Variants in TNRC18 observed in about 807,000 individuals in gnomAD.
TNRC18 encodes trinucleotide repeat-containing gene 18 protein.
A neutral mutation model predicts 226.7 loss-of-function variants in TNRC18; 69 were observed. That is an observed-to-expected ratio of 0.30 (90% CI 0.25 to 0.37). The LOEUF (loss-of-function observed/expected upper bound fraction) is 0.37. TNRC18 is among the 10% of genes least tolerant of loss of function. TNRC18 has a pLI of 1.00. For missense variants in TNRC18, 4,754 were observed against 4,256.6 expected, an observed-to-expected ratio of 1.12 and a Z score of -3.25; for synonymous variants, 2,449 against 1,927.6, an observed-to-expected ratio of 1.27 and a Z score of -7.09.
chr7:5,357,349 T>C (rs1792550205), intron 15 of TNRC18, 73 bp from the exon 16 acceptor site: 1 of 1,470,022 alleles, frequency 6.8e-7, no homozygotes, highest in Non-Finnish European at 9.1e-7. Flanking sequence ...GCACATGCTC[T>C]GCCCAGCCTG....
At chr7:5,402,596 G>T (rs1781183103) in intron 2 of TNRC18, among the ~76,000 whole-genome samples, 1 of 151,992 alleles carries the variant, frequency 6.6e-6, no homozygotes. Context: ...GCTCACGCCT[G>T]TAATCCCAGC....
rs544089229 is a variant in TNRC18, at chr7:5,309,456, G to A, written c.8389-88C>T. The A allele has an allele frequency of 4.8e-5, 58 of 1,209,616 alleles. No individual in the cohort carries two copies. The Admixed American group carries it at 9.6e-4, about 20-fold the overall frequency. 74.9% of individuals were successfully genotyped at this position (1,209,616 alleles called of 1,614,324 possible). On this transcript the variant is annotated intron_variant, in intron 27 of 29. Transcript: ENST00000430969. The surrounding 1 kb of genome is among the most constrained non-coding windows in gnomAD (Gnocchi z 5.7). ...CAGGCTCTGCCGCTTGGGACTCTGG[G>A]CCCTCGGCCTCTAAATCAACCCCTA... is the stretch of plus-strand genomic sequence containing the variant.
chr7:5,341,542 T>C (rs1331435545), intron 18 of TNRC18, among the ~76,000 whole-genome samples: 1 of 151,354 alleles, frequency 6.6e-6, no homozygotes, highest in Non-Finnish European at 1.5e-5. Context: ...GGCAGGAGGA[T>C]CATTTGAGGT....
chr7:5,380,859 G>A (rs1045993595), intron 5 of TNRC18, among the ~76,000 whole-genome samples: 2 of 152,160 alleles, frequency 1.3e-5, no homozygotes, highest in African/African-American at 2.4e-5. Flanking sequence ...GGAGACAGCC[G>A]TCCCAGCTTA....
In TNRC18 at chr7:5,325,529, T is replaced by C. The variant is rs1419707016; in HGVS notation, c.6148-281A>G. On this transcript the variant is annotated intron_variant, in intron 19 of 29. Transcript: ENST00000430969. ...AGCTCTGCCTCCCGGGTTCACGCCA[T>C]TCTCCTGCCTCAGCCTCCCGAGTAG... The C allele has an allele frequency of 1.4e-5, 5 of 350,546 alleles. No individual in the cohort carries two copies. In the East Asian group the frequency reaches 2.5e-4, roughly 18 times the overall value. 21.7% of individuals were successfully genotyped at this position (350,546 alleles called of 1,614,324 possible).
chr7:5,382,712 T>G (rs1584000495), intron 5 of TNRC18, among the ~76,000 whole-genome samples: 3 of 151,914 alleles, frequency 2.0e-5, no homozygotes, highest in Admixed American at 2.0e-4. Flanking sequence ...GATGGGCCAG[T>G]GAAGAGGTAG....
chr7:5,334,304 T>C (rs895615945), intron 18 of TNRC18, among the ~76,000 whole-genome samples: 34 of 152,056 alleles, frequency 2.2e-4, no homozygotes, highest in Non-Finnish European at 3.8e-4. Context: ...TAACTTTTTT[T>C]TTTTTTTCTT....
chr7:5,346,157 C>T (rs765825394), intron 17 of TNRC18, among the ~76,000 whole-genome samples: 9 of 152,236 alleles, frequency 5.9e-5, no homozygotes, highest in African/African-American at 9.6e-5. Context: ...CAGTCACACG[C>T]GCACACGCCC....
In TNRC18 at chr7:5,314,955, G is replaced by C. The variant is rs779472698; in HGVS notation, c.7027+29C>G. ...GATGCACGAAGGAGATCCGCCCACC[G>C]CCCTGCCCTGGGGACCAGGCCAACC... is the stretch of plus-strand genomic sequence containing the variant. On this transcript the variant is annotated intron_variant, in intron 26 of 29. Coordinates refer to ENST00000430969, the MANE Select transcript of TNRC18 (RefSeq NM_001080495.3). 6 of 1,589,228 alleles carry C rather than the reference G, an allele frequency of 3.8e-6. No individual in the cohort carries two copies. The East Asian group carries it at 1.1e-4, about 30-fold the overall frequency.
Position 5,374,176 on chromosome 7 carries a change from G to A in TNRC18, c.3108C>T (p.Pro1036=), listed in dbSNP as rs761230711. 41 of 1,429,812 alleles carry A rather than the reference G, an allele frequency of 2.9e-5. 1 individual carries two copies. The highest frequency in any genetic ancestry group is 2.3e-4 in the East Asian group (8 of 35,168). 88.6% of individuals were successfully genotyped at this position (1,429,812 alleles called of 1,614,324 possible). ...TPSSHPTSPP[P]ASPPPTPGIT... ...TACCCGGGGTGGGCGGTGGGGAGGC[G>A]GGCGGCGGGCTGGTGGGGTGGGAGC... Residue 1036 remains proline (P), a synonymous_variant, in exon 10 of 30, where the codon CCC becomes CCT. Coordinates refer to ENST00000430969, the MANE Select transcript of TNRC18 (RefSeq NM_001080495.3).
At chr7:5,323,172 C>G (rs1367475152) in intron 21 of TNRC18, among the ~76,000 whole-genome samples, 1 of 152,156 alleles carries the variant, frequency 6.6e-6, no homozygotes, top group Non-Finnish European at 1.5e-5. Context: ...CCAATGCAGC[C>G]TTGGGGCGGC....
chr7:5,362,816 C>T lies in TNRC18; in HGVS notation c.4229G>A (p.Arg1410Gln), dbSNP rs759702770. 6 of 1,544,276 alleles carry T rather than the reference C, an allele frequency of 3.9e-6. No homozygotes were observed. The African/African-American group carries it at 4.1e-5, about 11-fold the overall frequency. The change falls in exon 12 of 30, where the codon CGG becomes CAG. Residue 1410 changes from arginine (R) to glutamine (Q), a missense_variant. Coordinates refer to ENST00000430969, the MANE Select transcript of TNRC18 (RefSeq NM_001080495.3). ...RRSQEMGGAE[R>Q]ALVARPSLES... ...CAGGGAGGGCCGCGCCACCAGGGCC[C>T]GCTCCGCACCTGTGGACAGGAGGTA...
In TNRC18 at chr7:5,316,036, G is replaced by A; in HGVS notation, c.6782C>T (p.Thr2261Ile). Reference protein sequence around the residue: ...LDLEDDGDLITVEFDDGDTGR... With the variant: ...LDLEDDGDLIIVEFDDGDTGR... Reference sequence around the variant, plus strand: ...CGTGTCTCCGTCGTCAAACTCCACGGTGATCAAGTCCCCATCGTCCTCCAG... The same window carrying A: ...CGTGTCTCCGTCGTCAAACTCCACGATGATCAAGTCCCCATCGTCCTCCAG... The change falls in exon 25 of 30, where the codon ACC (threonine) becomes ATC (isoleucine). Residue 2261 changes from threonine to isoleucine, a missense_variant. By Grantham distance (89) the Thr-to-Ile change is moderately conservative. Coordinates refer to ENST00000430969, the MANE Select transcript of TNRC18 (RefSeq NM_001080495.3). The A allele has an allele frequency of 6.2e-7, 1 of 1,608,938 alleles. No homozygotes were observed. The highest frequency in any genetic ancestry group is 1.1e-5 in the South Asian group (1 of 90,276).
Position 5,370,967 on chromosome 7 carries a change from G to T in TNRC18, c.3627C>A (p.Thr1209=). ...CAGAGGGCTCTGCGCAGCTCTGCCC[G>T]GTGGCACTCAGCGCCTGGGCCTCCA... ...GLLEAQALSA[T]GQSCAEPSEC... is the part of the protein sequence containing the mutation. The change falls in exon 11 of 30, where the codon ACC becomes ACA. Residue 1209 remains threonine (T), a synonymous_variant. Coordinates refer to ENST00000430969, the MANE Select transcript of TNRC18 (RefSeq NM_001080495.3). The T allele has an allele frequency of 6.2e-7, 1 of 1,605,672 alleles. No individual in the cohort carries two copies. Among genetic ancestry groups the T allele is most frequent in the East Asian group, 2.2e-5 (1 of 44,866 alleles).
chr7:5,412,648 C>G (rs986049218), intron 2 of TNRC18, among the ~76,000 whole-genome samples: 5 of 152,094 alleles, frequency 3.3e-5, no homozygotes, highest in African/African-American at 9.7e-5. Context: ...TGAACTCATT[C>G]ACTCTAATGA....
chr7:5,393,906 C>G (rs1027897063), intron 3 of TNRC18, among the ~76,000 whole-genome samples: 3 of 152,034 alleles, frequency 2.0e-5, no homozygotes, highest in Non-Finnish European at 4.4e-5. Flanking sequence ...TGGGGTCTTG[C>G]TATGTTGCCC....
chr7:5,385,844 A>ATGG (rs934837622), intron 5 of TNRC18, among the ~76,000 whole-genome samples: 6 of 151,742 alleles, frequency 4.0e-5, no homozygotes, highest in African/African-American at 1.5e-4. Flanking sequence ...ATAGCTGGGC[A>ATGG]TGGTGGCGTG....
rs184795969 is a variant in TNRC18, at chr7:5,326,951, C to G, written c.6148-1703G>C. 5.9e-3 allele frequency among the ~76,000 whole-genome samples: 896 copies of G among 151,432 alleles called. 8 individuals carry two copies. Among genetic ancestry groups the G allele is most frequent in the African/African-American group, 0.021 (873 of 41,256 alleles). Reference sequence around the variant, plus strand: ...CATCCTGGCTAACACGGTGAAACCCCATCTCTACTAAAAATATAAAAAAGT... The same window carrying G: ...CATCCTGGCTAACACGGTGAAACCCGATCTCTACTAAAAATATAAAAAAGT... On this transcript the variant is annotated intron_variant, in intron 19 of 29. Transcript: ENST00000430969.
chr7:5,373,251 G>A (rs1219218621), intron 10 of TNRC18, among the ~76,000 whole-genome samples: 20 of 152,182 alleles, frequency 1.3e-4, no homozygotes, highest in Admixed American at 1.3e-3. Context: ...TCGAGTCCAG[G>A]TGTTCAAGGC....
Sources: gnomAD v4.1 joint callset for allele counts (sites outside exome capture counted in the v4.1 genomes callset) on GRCh38, gnomAD v4.1.1 for gene constraint, Gnocchi (gnomAD v3.1) non-coding constraint, MANE v1.5 for transcripts, NCBI Gene and HGNC (gene_info 2026-07-23, HGNC 2026-07-21) for gene names.